Variants in URGCP observed in about 807,000 individuals in gnomAD.
URGCP encodes the protein up-regulator of cell proliferation.
Under a neutral mutation model 24.6 loss-of-function variants are expected in URGCP, and 13 were observed. That is an observed-to-expected ratio of 0.53 (90% CI 0.34 to 0.84). The LOEUF (loss-of-function observed/expected upper bound fraction) is 0.84, where lower values mean the gene tolerates loss of function less well. Among genes scored for constraint, URGCP ranks in the 40% least tolerant of loss-of-function variants. The probability of loss-of-function intolerance (pLI) is 0.01; values close to 1 mark genes in which losing one functional copy is unlikely to be tolerated. For missense variants in URGCP, 899 were observed against 1,194.3 expected (o/e 0.75, Z 3.64); for synonymous variants, 444 against 487.2 (o/e 0.91, Z 1.17).
rs775157672 is a variant in URGCP at position 43,878,785 on chromosome 7, T to C, written c.678A>G (p.Thr226=). ...TGCCCCGCATGGCCCACAGCAGAAA[T>C]GTATGGTAGTGGTTCTCCGAGTCAG... ...VLPDSENHYH[T]FLLWAMRGIV... Residue 226 remains threonine (T), a synonymous_variant, in exon 6 of 6, where the codon ACA becomes ACG. Coordinates refer to ENST00000453200, the MANE Select transcript of URGCP (RefSeq NM_001077663.3). The surrounding 1 kb of genome is among the most constrained non-coding windows in gnomAD (Gnocchi z 5.6). 3.7e-6 allele frequency: 6 copies of C among 1,613,882 alleles called. No individual in the cohort carries two copies. The highest frequency in any genetic ancestry group is 1.1e-5 in the South Asian group (1 of 91,056).
At chr7:43,879,422 T>C (rs1486661642) in intron 5 of URGCP, among the ~76,000 whole-genome samples, 162 bp from the exon 6 acceptor site, 1 of 152,092 alleles carries the variant, frequency 6.6e-6, no homozygotes, top group Non-Finnish European at 1.5e-5. Context: ...AAGGCTGACC[T>C]GAGATCAAGG....
intron 1 of URGCP, chr7:43,888,985 T>C (rs941569703): frequency 3.9e-5 from 6 of 152,218 alleles, no homozygotes; most frequent in African/African-American, 1.4e-4. Flanking sequence ...GAAAACATGA[T>C]GGGCACAGGA....
At chr7:43,915,154 T>TCTG (rs2095914141) in intron 1 of URGCP, among the ~76,000 whole-genome samples, 1 of 152,196 alleles carries the variant, frequency 6.6e-6, no homozygotes, top group East Asian at 1.9e-4. Flanking sequence ...TTTAATAAAT[T>TCTG]CTGCTCTCCT....
At chr7:43,881,393 G>C in intron 5 of URGCP, 2 of 612,598 alleles carry the variant, frequency 3.3e-6, no homozygotes. Flanking sequence ...CTCCAAACAT[G>C]CTAACTTATT....
In URGCP at chr7:43,877,793, C is replaced by T; in HGVS notation, c.1670G>A (p.Ser557Asn). ...GVQEFISGIS[S>N]PSLSEKQYFL... ...GTACTGCTTCTCACTCAAGGAGGGG[C>T]TGCTGATCCCCGAGATGAACTCCTG... The change falls in exon 6 of 6, where the codon AGC becomes AAC. Residue 557 changes from serine to asparagine, a missense_variant. Coordinates refer to ENST00000453200, the MANE Select transcript of URGCP (RefSeq NM_001077663.3). 6.2e-7 allele frequency: 1 copy of T among 1,602,600 alleles called. No homozygotes were observed. The highest frequency in any genetic ancestry group is 8.5e-7 in the Non-Finnish European group (1 of 1,174,166).
chr7:43,877,419 G>A lies in URGCP; in HGVS notation c.2044C>T (p.Leu682=), dbSNP rs762364506. 6.2e-7 allele frequency: 1 copy of A among 1,613,452 alleles called. No individual in the cohort carries two copies. The highest frequency in any genetic ancestry group is 1.1e-5 in the South Asian group (1 of 91,086). The change falls in exon 6 of 6, where the codon CTG becomes TTG. Residue 682 remains leucine, a synonymous_variant. Coordinates refer to ENST00000453200, the MANE Select transcript of URGCP (RefSeq NM_001077663.3). ...GACCGTCTCTCCAGTCGGACGTGCA[G>A]CTCCTTCAGGAGCCCTGTGACCCAG... The part of the protein sequence containing the change: ...VRWVTGLLKE[L]HVRLERRSRL...
chr7:43,891,772 A>G (rs940894239), intron 1 of URGCP, among the ~76,000 whole-genome samples: 7 of 151,620 alleles, frequency 4.6e-5, no homozygotes, highest in Non-Finnish European at 7.4e-5. Flanking sequence ...GCGCTACCAC[A>G]CCTGGCTACT....
At chr7:43,918,698 T>A in intron 1 of URGCP, 1 of 689,098 alleles carries the variant, frequency 1.5e-6, no homozygotes, top group East Asian at 2.5e-5. Context: ...TGAGGAGCGA[T>A]ACCAAGAGAA....
intron 1 of URGCP, chr7:43,918,779 G>C: frequency 4.3e-6 from 4 of 931,324 alleles, no homozygotes; most frequent in Non-Finnish European, 7.1e-6. Context: ...TGTGCACTGA[G>C]CATGGTATCA....
chr7:43,880,051 G>A (rs1255310440), intron 5 of URGCP, among the ~76,000 whole-genome samples: 1 of 151,806 alleles, frequency 6.6e-6, no homozygotes, highest in East Asian at 1.9e-4. Context: ...TGCCTCCCAA[G>A]TAGCTGGAAC....
chr7:43,925,421 T>A (rs1327581552), intron 1 of URGCP, among the ~76,000 whole-genome samples: 1 of 152,188 alleles, frequency 6.6e-6, no homozygotes, highest in Non-Finnish European at 1.5e-5. Context: ...ATCATCTACA[T>A]ACACACACCA....
chr7:43,884,558 G>A (rs6946057), intron 3 of URGCP, among the ~76,000 whole-genome samples: 2,519 of 152,284 alleles, frequency 0.017, 62 homozygotes, highest in African/African-American at 0.057. Flanking sequence ...GCCAGGTGGG[G>A]TGGTTCATAT....
At chr7:43,907,292 A>C (rs948711303), upstream of URGCP, among the ~76,000 whole-genome samples, 3 of 152,176 alleles carry the variant, frequency 2.0e-5, no homozygotes, top group African/African-American at 7.2e-5. Flanking sequence ...CTTAATAAAA[A>C]GCTCTGGACA....
At chr7:43,887,350 C>CA in intron 3 of URGCP, 65 bp downstream of exon 3, 1 of 1,584,508 alleles carries the variant, frequency 6.3e-7, no homozygotes, top group Non-Finnish European at 8.6e-7. Flanking sequence ...AACCCAGAAT[C>CA]CCAAGGGGAC....
At chr7:43,901,085 A>C (rs969765706) in intron 1 of URGCP, among the ~76,000 whole-genome samples, 3 of 152,242 alleles carry the variant, frequency 2.0e-5, no homozygotes, top group South Asian at 2.1e-4. Flanking sequence ...TAGAAATAAC[A>C]GTCCTTATTG....
chr7:43,919,533 G>A, intron 1 of URGCP: 1 of 1,349,638 alleles, frequency 7.4e-7, no homozygotes, highest in Non-Finnish European at 1.1e-6. Context: ...GCTGACTATG[G>A]ACCAATCAGT....
Position 43,881,996 on chromosome 7 carries a change from A to G in URGCP, c.113-39T>C, listed in dbSNP as rs527554212. 6.8e-6 allele frequency: 11 copies of G among 1,613,556 alleles called. No individual in the cohort carries two copies. In the African/African-American group the frequency reaches 1.2e-4, roughly 18 times the overall value. Reference sequence around the variant, plus strand: ...GAAACCAAATACATTTAGTTTCATCAGCAAGTTAGAACCTTTCTGTCAAAA... The same window carrying G: ...GAAACCAAATACATTTAGTTTCATCGGCAAGTTAGAACCTTTCTGTCAAAA... On this transcript the variant is annotated intron_variant, in intron 3 of 5. Transcript: ENST00000453200.
intron 3 of URGCP, among the ~76,000 whole-genome samples, chr7:43,882,968 A>C (rs1359421729): frequency 6.6e-6 from 1 of 152,200 alleles, no homozygotes; most frequent in Non-Finnish European, 1.5e-5. Flanking sequence ...GTAATCACTT[A>C]AAATTGAAAT....
intron 5 of URGCP, among the ~76,000 whole-genome samples, chr7:43,880,601 G>A (rs1445116588): frequency 1.3e-5 from 2 of 152,096 alleles, no homozygotes; most frequent in Non-Finnish European, 2.9e-5. Context: ...AAGACACTTG[G>A]CTAGTTTTTG....
Sources: allele counts gnomAD v4.1 joint callset (sites outside exome capture counted in the v4.1 genomes callset), GRCh38; gene constraint gnomAD v4.1.1; non-coding constraint Gnocchi (gnomAD v3.1); transcripts MANE v1.5; gene names NCBI Gene and HGNC (gene_info 2026-07-23, HGNC 2026-07-21).